The following ST8SIA4 variants were observed in gnomAD, a reference collection of about 807,000 sequenced individuals.
ST8SIA4 encodes CMP-N-acetylneuraminate-poly-alpha-2,8-sialyltransferase.
Under a neutral mutation model 33.9 loss-of-function variants are expected in ST8SIA4, and 15 were observed. The ratio of observed to expected loss-of-function variants is 0.44; its 90% confidence interval spans 0.30 to 0.68. The LOEUF is 0.68. Among genes scored for constraint, ST8SIA4 ranks in the 30% least tolerant of loss-of-function variants. The pLI is 0.10. For synonymous variants in ST8SIA4, 171 were observed against 151.2 expected (o/e 1.13, Z -0.96); for missense variants, 321 against 428.0 (o/e 0.75, Z 2.21).
chr5:100,818,069 G>T (rs1750966516), intron 4 of ST8SIA4, among the ~76,000 whole-genome samples: 1 of 152,166 alleles, frequency 6.6e-6, no homozygotes, highest in Admixed American at 6.5e-5. Context: ...GGACACTGAG[G>T]CTTGGTGGTG....
chr5:100,880,156 C>T, intron 3 of ST8SIA4, among the ~76,000 whole-genome samples: 1 of 151,966 alleles, frequency 6.6e-6, no homozygotes, highest in East Asian at 1.9e-4. Context: ...TTCTTGCTTA[C>T]CTCTAGCAAA....
At chr5:100,812,595 A>G (rs192099877) in intron 4 of ST8SIA4, among the ~76,000 whole-genome samples, 66 of 152,290 alleles carry the variant, frequency 4.3e-4, no homozygotes, top group African/African-American at 1.6e-3. Flanking sequence ...TAAATGCTTT[A>G]TCTATGTTAT....
chr5:100,850,105 A>G (rs1751659877), intron 4 of ST8SIA4, among the ~76,000 whole-genome samples: 1 of 152,228 alleles, frequency 6.6e-6, no homozygotes, highest in Non-Finnish European at 1.5e-5. Flanking sequence ...GGCAAAACCC[A>G]CAACTACTTT....
chr5:100,879,296 A>G (rs1752369410), intron 3 of ST8SIA4, among the ~76,000 whole-genome samples: 1 of 152,202 alleles, frequency 6.6e-6, no homozygotes, highest in Non-Finnish European at 1.5e-5. Context: ...TTCAAGCACA[A>G]ATCAGTAAAT....
intron 2 of ST8SIA4, among the ~76,000 whole-genome samples, chr5:100,891,415 G>A (rs1229450353): frequency 6.6e-6 from 1 of 151,978 alleles, no homozygotes; most frequent in East Asian, 1.9e-4. Flanking sequence ...TTATTTGTTT[G>A]TTTTGAAAGA....
intron 2 of ST8SIA4, among the ~76,000 whole-genome samples, chr5:100,887,626 A>G (rs960220339): frequency 7.2e-5 from 11 of 152,072 alleles, no homozygotes; most frequent in African/African-American, 2.4e-4. Context: ...TATAATATAT[A>G]TATATAGCTG....
At chr5:100,824,282 A>T (rs1751094792) in intron 4 of ST8SIA4, among the ~76,000 whole-genome samples, 1 of 152,230 alleles carries the variant, frequency 6.6e-6, no homozygotes, top group Admixed American at 6.5e-5. Context: ...GCAGAAGGCA[A>T]GAGAAGAATC....
At chr5:100,893,186 T>A (rs1351594807) in intron 2 of ST8SIA4, among the ~76,000 whole-genome samples, 1 of 152,130 alleles carries the variant, frequency 6.6e-6, no homozygotes, top group African/African-American at 2.4e-5. Context: ...TTCTAATATC[T>A]TTTCAAAAAT....
At chr5:100,901,247 C>T (rs1218547251) in intron 1 of ST8SIA4, among the ~76,000 whole-genome samples, 1 of 152,198 alleles carries the variant, frequency 6.6e-6, no homozygotes, top group Non-Finnish European at 1.5e-5. Flanking sequence ...TTCTCACTCG[C>T]TCCGCCCACT....
chr5:100,902,731 G>A (rs537994229), intron 1 of ST8SIA4, 112 bp downstream of exon 1: 3 of 921,060 alleles, frequency 3.3e-6, no homozygotes, highest in Non-Finnish European at 3.5e-6. Context: ...CTAACCACGC[G>A]CAAGCTCAAA....
intron 4 of ST8SIA4, among the ~76,000 whole-genome samples, chr5:100,852,652 A>G (rs1018821491): frequency 6.6e-6 from 1 of 152,176 alleles, no homozygotes; most frequent in Non-Finnish European, 1.5e-5. Context: ...ATCTACCTAT[A>G]TATCTTTTCC....
chr5:100,849,269 A>G (rs2112431355), intron 4 of ST8SIA4: 1 of 985,314 alleles, frequency 1.0e-6, no homozygotes, highest in African/African-American at 1.7e-5. Context: ...ATTGGTACGT[A>G]TATTTTAATG....
chr5:100,822,976 A>G (rs910251574), intron 4 of ST8SIA4, among the ~76,000 whole-genome samples: 4 of 152,026 alleles, frequency 2.6e-5, no homozygotes, highest in Admixed American at 1.3e-4. Context: ...CTAAAAATAC[A>G]AAAAAGTAGC....
In ST8SIA4 at chr5:100,807,743, G is replaced by A. The variant is rs1352699203; in HGVS notation, c.*4104C>T. 3 of 152,498 alleles carry A rather than the reference G, an allele frequency of 2.0e-5. No homozygotes were observed. The highest frequency in any genetic ancestry group is 7.2e-5 in the African/African-American group (3 of 41,420). The allele number at this position is 152,498 out of a possible 1,614,324, so 9.4% of individuals were successfully genotyped here. On this transcript the variant is annotated 3_prime_UTR_variant, in exon 5 of 5. Coordinates refer to ENST00000231461, the MANE Select transcript of ST8SIA4 (RefSeq NM_005668.6). Reference sequence around the variant, plus strand: ...TATCTCCAGGGGAGTTCACAGTGCAGACCCTGAAGATGTTAGCATAACACA... The same window carrying A: ...TATCTCCAGGGGAGTTCACAGTGCAAACCCTGAAGATGTTAGCATAACACA...
intron 3 of ST8SIA4, among the ~76,000 whole-genome samples, chr5:100,872,875 TAAAA>T (rs550303574): frequency 1.8e-3 from 235 of 132,424 alleles, no homozygotes; most frequent in African/African-American, 5.6e-3. Context: ...AGATATGGGC[TAAAA>T]AAAAAAAAAA....
intron 4 of ST8SIA4, among the ~76,000 whole-genome samples, chr5:100,837,748 A>G (rs1447124867): frequency 6.6e-6 from 1 of 152,004 alleles, no homozygotes. Flanking sequence ...ATTTACTAGC[A>G]CACACTGCCT....
intron 4 of ST8SIA4, among the ~76,000 whole-genome samples, chr5:100,816,267 T>C (rs1750914678): frequency 6.6e-6 from 1 of 152,182 alleles, no homozygotes; most frequent in Non-Finnish European, 1.5e-5. Context: ...TGATTTTAAA[T>C]CCTGTAATAT....
At chr5:100,858,783 T>C (rs925672626) in intron 3 of ST8SIA4, among the ~76,000 whole-genome samples, 1 of 152,082 alleles carries the variant, frequency 6.6e-6, no homozygotes, top group Non-Finnish European at 1.5e-5. Context: ...AAAGGAGCAA[T>C]TGGAGATCAA....
At chr5:100,868,082 C>G (rs1322757812) in intron 3 of ST8SIA4, among the ~76,000 whole-genome samples, 1 of 151,976 alleles carries the variant, frequency 6.6e-6, no homozygotes, top group Non-Finnish European at 1.5e-5. Context: ...CAGAATTTCC[C>G]CTGAATATAT....
Sources: gnomAD v4.1 joint callset for allele counts (sites outside exome capture counted in the v4.1 genomes callset) on GRCh38, gnomAD v4.1.1 for gene constraint, MANE v1.5 for transcripts, NCBI Gene and HGNC (gene_info 2026-07-23, HGNC 2026-07-21) for gene names.